FAM117A: variants seen among roughly 807,000 people sequenced by gnomAD.
FAM117A encodes the protein protein FAM117A.
A neutral mutation model predicts 44.1 loss-of-function variants in FAM117A; 21 were observed. That is an observed-to-expected ratio of 0.48 (90% CI 0.34 to 0.69). FAM117A has a LOEUF of 0.69. FAM117A is among the 30% of genes least tolerant of loss of function. The probability of loss-of-function intolerance (pLI) is 0.01; values close to 1 mark genes in which losing one functional copy is unlikely to be tolerated. For missense variants in FAM117A, 498 were observed against 589.9 expected (o/e 0.84, Z 1.61); for synonymous variants, 220 against 238.3 (o/e 0.92, Z 0.71).
intron 1 of FAM117A, 56 bp downstream of exon 1, chr17:49,763,836 G>T: frequency 4.6e-6 from 1 of 215,820 alleles, no homozygotes; most frequent in Non-Finnish European, 6.6e-6. Flanking sequence ...CCGCGGTCAC[G>T]CGCCCCCCCT....
chr17:49,789,095 T>C (rs917259186), upstream of FAM117A: 4 of 387,254 alleles, frequency 1.0e-5, no homozygotes, highest in Non-Finnish European at 1.9e-5. Context: ...AATTGGTCGC[T>C]GAAACGTCTG....
chr17:49,777,203 G>A (rs564223041), intron 1 of FAM117A, among the ~76,000 whole-genome samples: 1 of 152,298 alleles, frequency 6.6e-6, no homozygotes, highest in Non-Finnish European at 1.5e-5. Flanking sequence ...GGAGCCTCAG[G>A]GTAGGGGTGG....
At chr17:49,767,423 T>C (rs965951369), upstream of FAM117A, among the ~76,000 whole-genome samples, 5 of 152,254 alleles carry the variant, frequency 3.3e-5, no homozygotes, top group African/African-American at 1.2e-4. Flanking sequence ...GACACTGAGC[T>C]AGGCACTGAG....
intron 7 of FAM117A, among the ~76,000 whole-genome samples, chr17:49,713,405 C>G (rs533004300): frequency 6.6e-6 from 1 of 152,178 alleles, no homozygotes; most frequent in Non-Finnish European, 1.5e-5. Context: ...GAAGCTCTGC[C>G]ACCAATGGTT....
intron 1 of FAM117A, among the ~76,000 whole-genome samples, chr17:49,737,636 T>C (rs2073616709): frequency 6.6e-6 from 1 of 152,210 alleles, no homozygotes; most frequent in Non-Finnish European, 1.5e-5. Flanking sequence ...CTTTCCTTAC[T>C]GGGACCCTAA....
chr17:49,743,557 G>A (rs745568044), intron 1 of FAM117A, among the ~76,000 whole-genome samples: 4 of 152,198 alleles, frequency 2.6e-5, no homozygotes, highest in South Asian at 2.1e-4. Context: ...GTGAAACCCC[G>A]TCTCTACTAA....
At chr17:49,722,854 A>G (rs558801652) in intron 2 of FAM117A, among the ~76,000 whole-genome samples, 1 of 152,148 alleles carries the variant, frequency 6.6e-6, no homozygotes, top group South Asian at 2.1e-4. Context: ...TGCTATACAT[A>G]TATGATATCC....
intron 1 of FAM117A, among the ~76,000 whole-genome samples, chr17:49,772,507 T>C (rs181922923): frequency 2.6e-5 from 4 of 152,160 alleles, no homozygotes; most frequent in Admixed American, 2.6e-4. Context: ...ATCTCAGCAC[T>C]TTGGGAGGCT....
At chr17:49,775,479 A>C (rs1234638351) in intron 1 of FAM117A, among the ~76,000 whole-genome samples, 1 of 152,150 alleles carries the variant, frequency 6.6e-6, no homozygotes, top group East Asian at 1.9e-4. Flanking sequence ...AAAAGTCCCA[A>C]AGGGCTGACT....
At chr17:49,754,465 C>T (rs996880871) in intron 1 of FAM117A, among the ~76,000 whole-genome samples, 3 of 152,016 alleles carry the variant, frequency 2.0e-5, no homozygotes, top group African/African-American at 4.8e-5. Context: ...CCACCACGCC[C>T]GGCTAATTTT....
chr17:49,771,305 A>G (rs982749258), intron 1 of FAM117A, among the ~76,000 whole-genome samples: 1 of 152,218 alleles, frequency 6.6e-6, no homozygotes, highest in Non-Finnish European at 1.5e-5. Context: ...GAAAAACAAA[A>G]AGGATTTAGA....
chr17:49,746,914 G>T (rs1391775792), intron 1 of FAM117A, among the ~76,000 whole-genome samples: 6 of 152,092 alleles, frequency 3.9e-5, no homozygotes, highest in Admixed American at 6.5e-5. Flanking sequence ...GTTGAATGAG[G>T]GTGGCTAGAA....
intron 4 of FAM117A, 199 bp from the exon 5 acceptor site, chr17:49,720,093 G>T: frequency 1.4e-6 from 1 of 734,472 alleles, no homozygotes; most frequent in African/African-American, 1.8e-5. Context: ...TCTACTGTGT[G>T]CTGTAGAGTC....
intron 1 of FAM117A, among the ~76,000 whole-genome samples, chr17:49,776,191 C>T (rs955292473): frequency 2.0e-5 from 3 of 152,198 alleles, no homozygotes; most frequent in African/African-American, 4.8e-5. Flanking sequence ...AATTTACACA[C>T]ATGGTCTCAT....
chr17:49,711,867 G>A (rs1166355076), intron 7 of FAM117A, among the ~76,000 whole-genome samples: 6 of 152,198 alleles, frequency 3.9e-5, no homozygotes, highest in South Asian at 2.1e-4. Flanking sequence ...ATCAGTGGCC[G>A]GGCACGGTGG....
chr17:49,737,232 A>G (rs1455767382), intron 1 of FAM117A, among the ~76,000 whole-genome samples: 1 of 152,204 alleles, frequency 6.6e-6, no homozygotes, highest in Non-Finnish European at 1.5e-5. Context: ...CCAGCATTTC[A>G]AAGACTCATT....
At chr17:49,763,304 C>T (rs1293641593) in intron 1 of FAM117A, among the ~76,000 whole-genome samples, 1 of 152,106 alleles carries the variant, frequency 6.6e-6, no homozygotes, top group Non-Finnish European at 1.5e-5. Context: ...TAAACTTAGT[C>T]CAGCGGGCTG....
chr17:49,729,576 G>A (rs866203134), intron 2 of FAM117A, among the ~76,000 whole-genome samples: 3 of 145,060 alleles, frequency 2.1e-5, no homozygotes, highest in Non-Finnish European at 3.0e-5. Context: ...GCATGATCTC[G>A]GTTTACTGCA....
chr17:49,722,412 C>T (rs940198853), intron 3 of FAM117A, 87 bp downstream of exon 3: 17 of 1,084,784 alleles, frequency 1.6e-5, no homozygotes, highest in African/African-American at 3.1e-5. Context: ...AGCAGTGTGA[C>T]GCCACCATGG....
Sources: allele counts gnomAD v4.1 joint callset (sites outside exome capture counted in the v4.1 genomes callset), GRCh38; gene constraint gnomAD v4.1.1; transcripts MANE v1.5; gene names NCBI Gene and HGNC (gene_info 2026-07-23, HGNC 2026-07-21).